The following USP53 variants were observed in gnomAD, a reference collection of about 807,000 sequenced individuals.
USP53 encodes the protein ubiquitin specific peptidase 53, also known as ubiquitin carboxyl-terminal hydrolase 53.
Under a neutral mutation model 94.9 loss-of-function variants are expected in USP53, and 71 were observed. The ratio of observed to expected loss-of-function variants is 0.75; its 90% CI spans 0.62 to 0.91. The LOEUF (loss-of-function observed/expected upper bound fraction) is 0.91, where lower values mean the gene tolerates loss of function less well. Among genes scored for constraint, USP53 ranks in the 40% least tolerant of loss-of-function variants. The probability of loss-of-function intolerance (pLI) is 0.00; values close to 1 mark genes in which losing one functional copy is unlikely to be tolerated. For missense variants in USP53, 1,173 were observed against 1,281.0 expected, an observed-to-expected ratio of 0.92 and a Z score of 1.29; for synonymous variants, 375 against 422.7, an observed-to-expected ratio of 0.89 and a Z score of 1.39.
intron 3 of USP53, among the ~76,000 whole-genome samples, chr4:119,226,573 C>T (rs768305574): frequency 3.9e-5 from 6 of 152,010 alleles, no homozygotes; most frequent in African/African-American, 1.4e-4. Flanking sequence ...ATAACCTGTA[C>T]ACCTAAATTA....
At chr4:119,230,502 T>C (rs1473176646) in intron 3 of USP53, among the ~76,000 whole-genome samples, 1 of 152,204 alleles carries the variant, frequency 6.6e-6, no homozygotes, top group East Asian at 1.9e-4. Flanking sequence ...TTAGTGTCCA[T>C]GACCCTTGAT....
chr4:119,280,476 A>AC (rs1204863888), intron 17 of USP53, among the ~76,000 whole-genome samples: 1 of 151,954 alleles, frequency 6.6e-6, no homozygotes, highest in Admixed American at 6.6e-5. Context: ...GACTTTATTT[A>AC]CCTCCTACCT....
chr4:119,248,809 A>T lies in USP53; in HGVS notation c.299A>T (p.His100Leu). Residue 100 changes from histidine to leucine, a missense_variant, in exon 7 of 19, where the codon CAT (histidine) becomes CTT (leucine). Transcript: ENST00000692078. ...EKALPSDNIR[H>L]ALAESFKDEQ... ...GCACTTCCCTCAGATAACATAAGGC[A>T]TGCTCTTGCAGAAAGTTTCAAAGAT... The T allele has an allele frequency of 6.2e-7, 1 of 1,614,152 alleles. No homozygotes were observed. The highest frequency in any genetic ancestry group is 8.5e-7 in the Non-Finnish European group (1 of 1,180,038).
At chr4:119,292,303 G>A (rs1334788677) in intron 18 of USP53, 35 bp from the exon 19 acceptor site, 1 of 1,520,426 alleles carries the variant, frequency 6.6e-7, no homozygotes. Flanking sequence ...ATTTGCATAG[G>A]GTGTTCTAGC....
rs1384268661 is a variant in USP53 at position 119,267,329 on chromosome 4, A to C, written c.982A>C (p.Arg328=). 6.2e-7 allele frequency: 1 copy of C among 1,613,104 alleles called. No individual in the cohort carries two copies. The highest frequency in any genetic ancestry group is 8.5e-7 in the Non-Finnish European group (1 of 1,179,802). The change falls in exon 13 of 19, where the codon AGA becomes CGA. Residue 328 remains arginine (R), a synonymous_variant. Transcript: ENST00000692078. ...TGTGTTTTTTTAAAAGATTGGAACT[A>C]GATGGAAAGATGTTGTCTCCAAATG... is the stretch of plus-strand genomic sequence containing the variant. The part of the protein sequence containing the change: ...DDANVKEIGT[R]WKDVVSKCIR...
chr4:119,281,974 C>T (rs1753559953), intron 17 of USP53, among the ~76,000 whole-genome samples: 2 of 152,096 alleles, frequency 1.3e-5, no homozygotes, highest in South Asian at 2.1e-4. Context: ...GCTCCCCATT[C>T]TCCCCTCCTC....
At chr4:119,286,887 C>A (rs575130050) in intron 17 of USP53, among the ~76,000 whole-genome samples, 1 of 151,982 alleles carries the variant, frequency 6.6e-6, no homozygotes, top group South Asian at 2.1e-4. Flanking sequence ...GAGCCTCAGG[C>A]AGTGTGTCAG....
chr4:119,263,320 G>A (rs1443433179), intron 12 of USP53, among the ~76,000 whole-genome samples: 3 of 152,172 alleles, frequency 2.0e-5, no homozygotes, highest in Admixed American at 6.5e-5. Flanking sequence ...CTGCCTAGAG[G>A]TAGTTTCTGG....
At chr4:119,279,811 C>A (rs1203343225) in intron 17 of USP53, among the ~76,000 whole-genome samples, 2 of 152,196 alleles carry the variant, frequency 1.3e-5, no homozygotes, top group African/African-American at 4.8e-5. Context: ...TGGTTCGCCG[C>A]TTTTTAAGCC....
Position 119,248,657 on chromosome 4 carries a change from T to C in USP53, c.238-91T>C, listed in dbSNP as rs544198681. On this transcript the variant is annotated intron_variant, in intron 6 of 18. Coordinates refer to ENST00000692078, the MANE Select transcript of USP53 (RefSeq NM_001371395.1). ...AGACTTCTGTATTATTTTCCAAGTA[T>C]AGTGTTTTGAGTTTCTCTGTGTTGT... is the stretch of plus-strand genomic sequence containing the variant. 29 of 1,447,072 alleles carry C rather than the reference T, an allele frequency of 2.0e-5. No homozygotes were observed. The South Asian group carries it at 4.1e-4, about 20-fold the overall frequency. 89.6% of individuals were successfully genotyped at this position (1,447,072 alleles called of 1,614,324 possible).
chr4:119,271,281 ATT>A lies in USP53; in HGVS notation c.1436-5_1436-4del. On this transcript the variant is annotated splice_polypyrimidine_tract_variant and intron_variant, in intron 15 of 18. Coordinates refer to ENST00000692078, the MANE Select transcript of USP53 (RefSeq NM_001371395.1). ...GAGGAGTAATTCATGTGTATCTTTA[ATT>A]TTTTTTTTTAAGATTTGGTTGATGA... The A allele has an allele frequency of 7.6e-7, 1 of 1,314,318 alleles. No homozygotes were observed. The highest frequency in any genetic ancestry group is 1.0e-6 in the Non-Finnish European group (1 of 983,960). The allele number at this position is 1,314,318 out of a possible 1,614,324, so 81.4% of individuals were successfully genotyped here. A position where few individuals can be genotyped will look rare whatever the true frequency, so the allele number is the denominator to read the frequency against.
intron 16 of USP53, 93 bp downstream of exon 16, chr4:119,272,127 G>T (rs1294424312): frequency 2.2e-6 from 3 of 1,356,178 alleles, no homozygotes; most frequent in South Asian, 3.0e-5. Context: ...CAATTAAATA[G>T]AACAGAAACA....
intron 7 of USP53, among the ~76,000 whole-genome samples, chr4:119,255,254 C>T (rs1318773814): frequency 2.0e-5 from 3 of 152,194 alleles, no homozygotes; most frequent in Admixed American, 2.0e-4. Flanking sequence ...CCACTGCTCT[C>T]TTCAGAGCTG....
intron 16 of USP53, chr4:119,272,940 C>A (rs556590138): frequency 1.3e-5 from 2 of 152,158 alleles, no homozygotes; most frequent in Admixed American, 6.5e-5. Flanking sequence ...GATATTTGAC[C>A]ACATTTGTTA....
rs926974992 is a variant in USP53, at chr4:119,222,240, G to A, written c.-665+4567G>A. Among the ~76,000 whole-genome samples the A allele has an allele frequency of 1.1e-4, 16 of 152,268 alleles. No homozygotes were observed. In the East Asian group the frequency reaches 1.7e-3, roughly 17 times the overall value. The stretch of plus-strand genomic sequence containing the variant: ...TGTGATATTGTGATATAAGCATACA[G>A]TGTATAATGATCAAATCAGGGTTGT... On this transcript the variant is annotated intron_variant, in intron 3 of 18. Transcript: ENST00000692078.
chr4:119,231,400 T>TG (rs1198867756), intron 3 of USP53, among the ~76,000 whole-genome samples: 3 of 152,214 alleles, frequency 2.0e-5, no homozygotes, highest in Non-Finnish European at 4.4e-5. Flanking sequence ...TAATAGTTGT[T>TG]GCCATGTTGA....
chr4:119,289,367 C>T (rs570562315), intron 17 of USP53, among the ~76,000 whole-genome samples: 46 of 152,198 alleles, frequency 3.0e-4, no homozygotes, highest in Middle Eastern at 6.8e-3. Flanking sequence ...ATTGTTTTTG[C>T]GTCATCAGTG....
intron 2 of USP53, among the ~76,000 whole-genome samples, chr4:119,214,918 C>CT (rs1169024099): frequency 1.3e-5 from 2 of 152,164 alleles, no homozygotes; most frequent in African/African-American, 4.8e-5. Context: ...TACCCTACAA[C>CT]TTTCCGAAAA....
chr4:119,240,904 A>G (rs949454784), intron 5 of USP53, among the ~76,000 whole-genome samples: 1 of 152,176 alleles, frequency 6.6e-6, no homozygotes, highest in African/African-American at 2.4e-5. Context: ...CCCTGGCTCA[A>G]AGATCCCACT....
Sources: allele counts gnomAD v4.1 joint callset (sites outside exome capture counted in the v4.1 genomes callset), GRCh38; gene constraint gnomAD v4.1.1; transcripts MANE v1.5; gene names NCBI Gene and HGNC (gene_info 2026-07-23, HGNC 2026-07-21).